The following SYNDIG1 variants were observed in gnomAD, a reference collection of about 807,000 sequenced individuals.
The protein encoded by SYNDIG1 is synapse differentiation inducing 1, also known as synapse differentiation-inducing gene protein 1.
SYNDIG1 carries 9 observed loss-of-function variants against 19.4 expected under a neutral mutation model. The ratio of observed to expected loss-of-function variants is 0.46; its 90% CI spans 0.28 to 0.81. The LOEUF is 0.81. SYNDIG1 is among the 30% of genes least tolerant of loss of function. The pLI is 0.12. For synonymous variants in SYNDIG1, 141 were observed against 145.9 expected (o/e 0.97, Z 0.24); for missense variants, 311 against 343.3 (o/e 0.91, Z 0.74).
intron 1 of SYNDIG1, among the ~76,000 whole-genome samples, chr20:24,532,069 C>G (rs925290200): frequency 6.6e-6 from 1 of 152,168 alleles, no homozygotes; most frequent in African/African-American, 2.4e-5. Flanking sequence ...ATGCCATTCC[C>G]TCACCCCAGA....
chr20:24,531,412 C>CGTCT (rs2057256526), intron 1 of SYNDIG1, among the ~76,000 whole-genome samples: 1 of 152,044 alleles, frequency 6.6e-6, no homozygotes, highest in Non-Finnish European at 1.5e-5. Flanking sequence ...GTGGGCGAGA[C>CGTCT]ATAGACTTTT....
At chr20:24,589,831 A>G (rs1483311177) in intron 3 of SYNDIG1, among the ~76,000 whole-genome samples, 4 of 152,374 alleles carry the variant, frequency 2.6e-5, no homozygotes, top group Admixed American at 2.0e-4. Context: ...AAACTAGGGG[A>G]AAAAAGAGAA....
chr20:24,578,851 CCA>C (rs1249804871), intron 2 of SYNDIG1, among the ~76,000 whole-genome samples: 1 of 152,172 alleles, frequency 6.6e-6, no homozygotes, highest in Admixed American at 6.5e-5. Context: ...TTGTGCCTTT[CCA>C]CAGTGTCAGG....
chr20:24,570,220 A>G (rs2058118445), intron 2 of SYNDIG1, among the ~76,000 whole-genome samples: 1 of 152,236 alleles, frequency 6.6e-6, no homozygotes, highest in Admixed American at 6.5e-5. Context: ...AAAACAGAAA[A>G]TCTCTGTAAC....
intron 1 of SYNDIG1, among the ~76,000 whole-genome samples, chr20:24,508,408 T>C (rs2056658033): frequency 6.6e-6 from 1 of 150,880 alleles, no homozygotes. Context: ...TTTGTATTTT[T>C]AGTAGAGACG....
At chr20:24,617,374 A>G (rs773510045) in intron 3 of SYNDIG1, among the ~76,000 whole-genome samples, 2 of 152,164 alleles carry the variant, frequency 1.3e-5, no homozygotes, top group Non-Finnish European at 2.9e-5. Flanking sequence ...CTGAGGGACA[A>G]AAGGGGACAT....
intron 2 of SYNDIG1, among the ~76,000 whole-genome samples, chr20:24,569,316 G>A (rs114941764): frequency 1.2e-3 from 182 of 152,256 alleles, no homozygotes; most frequent in African/African-American, 4.2e-3. Flanking sequence ...TCAAAGGGGT[G>A]GCATCCCTGT....
chr20:24,580,035 G>A (rs1390547713), intron 2 of SYNDIG1, among the ~76,000 whole-genome samples: 1 of 152,158 alleles, frequency 6.6e-6, no homozygotes, highest in African/African-American at 2.4e-5. Context: ...AGAATGGGCG[G>A]CCCTGGAGGG....
Position 24,624,522 on chromosome 20 carries a change from C to T in SYNDIG1, c.618+39529C>T, listed in dbSNP as rs374441436. ...ACAACAGTCCTAAACATGTGTGCTC[C>T]TAACCACAAAGAGTCAAAACATGAG... is the stretch of plus-strand genomic sequence containing the variant. On this transcript the variant is annotated intron_variant, in intron 3 of 3. Coordinates refer to ENST00000376862, the MANE Select transcript of SYNDIG1 (RefSeq NM_024893.3). Among the ~76,000 whole-genome samples, 44 of 152,176 alleles carry T rather than the reference C, an allele frequency of 2.9e-4. No individual in the cohort carries two copies. In the East Asian group the frequency reaches 4.6e-3, roughly 16 times the overall value.
intron 1 of SYNDIG1, among the ~76,000 whole-genome samples, chr20:24,504,060 C>T (rs573115166): frequency 6.1e-4 from 92 of 151,566 alleles, no homozygotes; most frequent in Non-Finnish European, 1.1e-3. Flanking sequence ...CCCAGGCTCA[C>T]GCCATTCTCC....
intron 1 of SYNDIG1, among the ~76,000 whole-genome samples, chr20:24,471,497 C>A (rs751166065): frequency 3.3e-5 from 5 of 151,738 alleles, no homozygotes; most frequent in Non-Finnish European, 7.4e-5. Context: ...CCACCGCCCG[C>A]CCCTTTGCAA....
chr20:24,592,703 T>C (rs531505182), intron 3 of SYNDIG1, among the ~76,000 whole-genome samples: 2 of 152,318 alleles, frequency 1.3e-5, no homozygotes, highest in Non-Finnish European at 2.9e-5. Context: ...ATCCTCAGCC[T>C]CCTAAACTCA....
At chr20:24,494,720 A>C (rs2056252360) in intron 1 of SYNDIG1, among the ~76,000 whole-genome samples, 3 of 152,170 alleles carry the variant, frequency 2.0e-5, no homozygotes. Context: ...GCCCTGCAGA[A>C]GGCTGGCCTG....
chr20:24,554,160 C>T (rs928629465), intron 2 of SYNDIG1, among the ~76,000 whole-genome samples: 1 of 152,094 alleles, frequency 6.6e-6, no homozygotes, highest in Non-Finnish European at 1.5e-5. Flanking sequence ...GATTTTGTAT[C>T]CTGAGACTTT....
At chr20:24,649,622 A>G (rs2059450680) in intron 3 of SYNDIG1, among the ~76,000 whole-genome samples, 1 of 151,898 alleles carries the variant, frequency 6.6e-6, no homozygotes, top group Admixed American at 6.6e-5. Flanking sequence ...CATGGAAAGA[A>G]CTCTTTGAGG....
chr20:24,532,616 A>G (rs540134377), intron 1 of SYNDIG1, among the ~76,000 whole-genome samples: 2 of 152,364 alleles, frequency 1.3e-5, no homozygotes, highest in Non-Finnish European at 2.9e-5. Flanking sequence ...ATATTTCAGT[A>G]AAGCAATTAT....
chr20:24,534,849 C>A (rs950116233), intron 1 of SYNDIG1, among the ~76,000 whole-genome samples: 1 of 152,158 alleles, frequency 6.6e-6, no homozygotes, highest in African/African-American at 2.4e-5. Flanking sequence ...GGACACGGTG[C>A]GGCTTCCTTT....
intron 1 of SYNDIG1, among the ~76,000 whole-genome samples, chr20:24,528,770 T>C (rs1437102685): frequency 2.0e-5 from 3 of 152,202 alleles, no homozygotes; most frequent in African/African-American, 7.2e-5. Context: ...CTCATTTCCC[T>C]CCCTTGAATC....
intron 3 of SYNDIG1, among the ~76,000 whole-genome samples, chr20:24,661,640 G>T (rs1024602408): frequency 2.0e-5 from 3 of 151,636 alleles, no homozygotes; most frequent in Non-Finnish European, 4.4e-5. Context: ...GGAGGGACTG[G>T]CCTTCAGCAT....
Sources: allele counts gnomAD v4.1 joint callset (sites outside exome capture counted in the v4.1 genomes callset), GRCh38; gene constraint gnomAD v4.1.1; transcripts MANE v1.5; gene names NCBI Gene and HGNC (gene_info 2026-07-23, HGNC 2026-07-21).